CFDP1: variants seen among roughly 807,000 people sequenced by gnomAD.
CFDP1 encodes the protein heterochromatin-stabilizing protein CFDP1.
A neutral mutation model predicts 40.1 loss-of-function variants in CFDP1; 31 were observed. The ratio of observed to expected loss-of-function variants is 0.77; its 90% confidence interval spans 0.58 to 1.04. The LOEUF is 1.04. Ranked by LOEUF, CFDP1 falls within the 50% of genes least tolerant of loss-of-function variation. The probability of loss-of-function intolerance (pLI) is 0.00; values close to 1 mark genes in which losing one functional copy is unlikely to be tolerated. For synonymous variants in CFDP1, 167 were observed against 120.0 expected (o/e 1.39, Z -2.56); for missense variants, 423 against 343.4 (o/e 1.23, Z -1.83).
chr16:75,348,103 G>A (rs771747322), intron 5 of CFDP1, among the ~76,000 whole-genome samples: 5 of 152,126 alleles, frequency 3.3e-5, no homozygotes, highest in Admixed American at 6.5e-5. Flanking sequence ...AGTTAATGGC[G>A]CTGTACCAAT....
chr16:75,414,466 G>C, intron 2 of CFDP1, 112 bp downstream of exon 2: 1 of 676,174 alleles, frequency 1.5e-6, no homozygotes, highest in Non-Finnish European at 2.7e-6. Flanking sequence ...CCCTCAAAGA[G>C]AAAAGGGTTA....
chr16:75,397,210 A>G (rs1257089371), intron 4 of CFDP1, among the ~76,000 whole-genome samples: 4 of 148,566 alleles, frequency 2.7e-5, no homozygotes, highest in African/African-American at 4.9e-5. Flanking sequence ...CACTGCGCCC[A>G]GCGTTTTTTT....
chr16:75,305,200 G>T lies in CFDP1; in HGVS notation c.651-18C>A. 1 of 1,612,104 alleles carries T rather than the reference G, an allele frequency of 6.2e-7. No individual in the cohort carries two copies. Among genetic ancestry groups the T allele is most frequent in the Non-Finnish European group, 8.5e-7 (1 of 1,179,092 alleles). ...TTTTTAACCTAAGGAAAGAAAATAT[G>T]AAAGATGTAGCAGGTAAAAACTCTG... On this transcript the variant is annotated intron_variant, in intron 5 of 6. Coordinates refer to ENST00000283882, the MANE Select transcript of CFDP1 (RefSeq NM_006324.3).
At chr16:75,355,089 C>CATTTTT (rs1373304333) in intron 5 of CFDP1, among the ~76,000 whole-genome samples, 3 of 152,196 alleles carry the variant, frequency 2.0e-5, no homozygotes, top group Non-Finnish European at 4.4e-5. Flanking sequence ...AAACAATGTA[C>CATTTTT]AGATCTTCAT....
intron 5 of CFDP1, among the ~76,000 whole-genome samples, chr16:75,375,953 C>G (rs1002230577): frequency 1.3e-5 from 2 of 152,174 alleles, no homozygotes; most frequent in African/African-American, 4.8e-5. Context: ...TGGCTCATGC[C>G]TATAATCCTT....
At chr16:75,333,799 T>G (rs989921288) in intron 5 of CFDP1, among the ~76,000 whole-genome samples, 1 of 152,022 alleles carries the variant, frequency 6.6e-6, no homozygotes, top group Admixed American at 6.6e-5. Context: ...TAGAGGGAAG[T>G]AAAAAAAGAT....
Position 75,374,281 on chromosome 16 carries a change from A to G in CFDP1, c.650+20809T>C, listed in dbSNP as rs1012523942. 6.6e-5 allele frequency among the ~76,000 whole-genome samples: 10 copies of G among 152,152 alleles called. 1 individual carries two copies. Among genetic ancestry groups the G allele is most frequent in the Admixed American group, 5.9e-4 (9 of 15,250 alleles). ...AATTATAGAATATTCAAAGTAGAAC[A>G]CTATACTAGCCATTAACAAGAATCA... On this transcript the variant is annotated intron_variant, in intron 5 of 6. Coordinates refer to ENST00000283882, the MANE Select transcript of CFDP1 (RefSeq NM_006324.3).
chr16:75,318,658 C>T (rs1039703869), intron 5 of CFDP1, among the ~76,000 whole-genome samples: 2 of 152,124 alleles, frequency 1.3e-5, no homozygotes, highest in African/African-American at 4.8e-5. Context: ...CCCGCCTTGG[C>T]CTCCCAAAGT....
intron 5 of CFDP1, among the ~76,000 whole-genome samples, chr16:75,367,352 T>C (rs1249098184): frequency 6.6e-6 from 1 of 150,510 alleles, no homozygotes; most frequent in Admixed American, 6.6e-5. Flanking sequence ...GTGGATGGGT[T>C]GACAGGTGCA....
chr16:75,336,543 CCT>C (rs1365526184), intron 5 of CFDP1, among the ~76,000 whole-genome samples: 1 of 152,244 alleles, frequency 6.6e-6, no homozygotes, highest in African/African-American at 2.4e-5. Context: ...TGCATATACC[CCT>C]CTTTAACAAC....
intron 5 of CFDP1, among the ~76,000 whole-genome samples, chr16:75,323,714 G>A (rs946191278): frequency 4.0e-5 from 6 of 151,796 alleles, no homozygotes; most frequent in Admixed American, 3.3e-4. Flanking sequence ...AGGAGGTAGA[G>A]GTTGCAGTGA....
chr16:75,315,532 A>G (rs1296351280), intron 5 of CFDP1, among the ~76,000 whole-genome samples: 2 of 151,980 alleles, frequency 1.3e-5, no homozygotes, highest in Admixed American at 6.6e-5. Flanking sequence ...TGGTCTGGTG[A>G]GGAATTCCAA....
At chr16:75,416,372 T>A (rs562116539) in intron 1 of CFDP1, among the ~76,000 whole-genome samples, 1 of 148,784 alleles carries the variant, frequency 6.7e-6, no homozygotes, top group African/African-American at 2.5e-5. Context: ...AACTGTGGCA[T>A]CCATGGAATA....
intron 4 of CFDP1, among the ~76,000 whole-genome samples, chr16:75,397,152 G>C (rs1054588953): frequency 6.6e-6 from 1 of 151,720 alleles, no homozygotes; most frequent in African/African-American, 2.4e-5. Flanking sequence ...CTGACCTTGT[G>C]ATCTGCCCGC....
At chr16:75,384,878 ATATATATATATATATATATATT>A (rs1468977168) in intron 5 of CFDP1, among the ~76,000 whole-genome samples, 23 of 31,096 alleles carry the variant, frequency 7.4e-4, no homozygotes, top group African/African-American at 1.5e-3. Context: ...ATATATATAT[ATATATATATATATATATATATT>A]GCAGACCAGT....
intron 5 of CFDP1, among the ~76,000 whole-genome samples, chr16:75,316,114 G>A (rs1424835922): frequency 6.6e-6 from 1 of 152,076 alleles, no homozygotes; most frequent in African/African-American, 2.4e-5. Flanking sequence ...TGCTGAGGAT[G>A]CTAAATAGAT....
chr16:75,401,381 T>G (rs1012253487), intron 4 of CFDP1, among the ~76,000 whole-genome samples: 4 of 147,858 alleles, frequency 2.7e-5, no homozygotes, highest in Non-Finnish European at 5.9e-5. Flanking sequence ...TGAGCCAAGA[T>G]TGCACCACTG....
intron 6 of CFDP1, among the ~76,000 whole-genome samples, chr16:75,298,923 T>G (rs1257825037): frequency 1.3e-5 from 2 of 152,346 alleles, no homozygotes; most frequent in Non-Finnish European, 2.9e-5. Context: ...CAAAAACACC[T>G]GGTCTCCAAT....
chr16:75,399,056 C>CAAAAAAAA (rs58692180), intron 4 of CFDP1, among the ~76,000 whole-genome samples: 1 of 98,064 alleles, frequency 1.0e-5, no homozygotes. Context: ...GACTCCGTCT[C>CAAAAAAAA]AAAAAAAAAA....
Sources: allele counts gnomAD v4.1 joint callset (sites outside exome capture counted in the v4.1 genomes callset), GRCh38; gene constraint gnomAD v4.1.1; transcripts MANE v1.5; gene names NCBI Gene and HGNC (gene_info 2026-07-23, HGNC 2026-07-21).